The following HTR7 variants were observed in gnomAD, a reference collection of about 807,000 sequenced individuals.
HTR7 encodes the protein 5-HT-7.
HTR7 carries 16 observed loss-of-function variants against 34.0 expected under a neutral mutation model. The observed-to-expected ratio is 0.47, with a 90% CI of 0.32 to 0.71. HTR7 has a LOEUF of 0.71. Ranked by LOEUF, HTR7 falls within the 30% of genes least tolerant of loss-of-function variation. The pLI, the probability that HTR7 is intolerant of heterozygous loss-of-function variation, is 0.04. For synonymous variants in HTR7, 265 were observed against 260.2 expected, an observed-to-expected ratio of 1.02 and a Z score of -0.18; for missense variants, 504 against 625.5, an observed-to-expected ratio of 0.81 and a Z score of 2.07.
intron 1 of HTR7, among the ~76,000 whole-genome samples, chr10:90,851,604 CAAAAAA>C (rs34310653): frequency 1.9e-4 from 13 of 69,182 alleles, no homozygotes; most frequent in African/African-American, 5.9e-4. Flanking sequence ...GACTCCGTCC[CAAAAAA>C]AAAAAAAAAA....
chr10:90,787,365 G>T (rs1340058280), intron 1 of HTR7, among the ~76,000 whole-genome samples: 1 of 152,064 alleles, frequency 6.6e-6, no homozygotes, highest in Non-Finnish European at 1.5e-5. Context: ...GCACGCACCT[G>T]TACTCCCAGC....
At chr10:90,760,441 T>C (rs1394340637) in intron 1 of HTR7, among the ~76,000 whole-genome samples, 1 of 152,208 alleles carries the variant, frequency 6.6e-6, no homozygotes, top group Admixed American at 6.5e-5. Flanking sequence ...CATTGTAGGA[T>C]GACTATAGTT....
chr10:90,808,851 C>G (rs1845749719), intron 1 of HTR7, among the ~76,000 whole-genome samples: 1 of 152,146 alleles, frequency 6.6e-6, no homozygotes, highest in South Asian at 2.1e-4. Flanking sequence ...ACAGTGGTAC[C>G]AAATAGCCAG....
chr10:90,818,439 G>A (rs1845930159), intron 1 of HTR7, among the ~76,000 whole-genome samples: 1 of 151,292 alleles, frequency 6.6e-6, no homozygotes, highest in Non-Finnish European at 1.5e-5. Flanking sequence ...CCAGCTGCTT[G>A]GGAAGCTGAG....
chr10:90,801,259 A>G (rs1845621443), intron 1 of HTR7, among the ~76,000 whole-genome samples: 1 of 152,178 alleles, frequency 6.6e-6, no homozygotes, highest in African/African-American at 2.4e-5. Flanking sequence ...CCTTAAGCTC[A>G]GAGATCTCAA....
intron 1 of HTR7, among the ~76,000 whole-genome samples, chr10:90,810,058 A>G (rs1845779757): frequency 1.3e-5 from 2 of 152,098 alleles, no homozygotes; most frequent in Admixed American, 1.3e-4. Context: ...TTGCCTCCAT[A>G]ACTGTTGTGG....
At chr10:90,760,937 CA>C (rs1416130628) in intron 1 of HTR7, among the ~76,000 whole-genome samples, 3 of 151,992 alleles carry the variant, frequency 2.0e-5, no homozygotes, top group African/African-American at 4.8e-5. Context: ...TATTATGTGT[CA>C]AAAAAATTAA....
intron 1 of HTR7, among the ~76,000 whole-genome samples, chr10:90,776,917 G>A (rs1845222676): frequency 6.6e-6 from 1 of 152,164 alleles, no homozygotes; most frequent in East Asian, 1.9e-4. Context: ...ATTAATTGAA[G>A]GTCTTAGTTA....
chr10:90,798,368 G>A (rs1177770210), intron 1 of HTR7, among the ~76,000 whole-genome samples: 3 of 152,144 alleles, frequency 2.0e-5, no homozygotes, highest in Admixed American at 2.0e-4. Context: ...TATAGCCTAA[G>A]CCCCACTTGC....
chr10:90,845,359 A>T (rs1397293323), intron 1 of HTR7, among the ~76,000 whole-genome samples: 1 of 152,190 alleles, frequency 6.6e-6, no homozygotes, highest in Non-Finnish European at 1.5e-5. Flanking sequence ...TCCTCCTCAT[A>T]TAGCAGGCAA....
At chr10:90,794,082 T>A (rs536982128) in intron 1 of HTR7, among the ~76,000 whole-genome samples, 7 of 152,106 alleles carry the variant, frequency 4.6e-5, no homozygotes, top group Non-Finnish European at 8.8e-5. Flanking sequence ...CAGGAAAAAA[T>A]ACTTTGCATC....
At chr10:90,763,642 G>T (rs1844973805) in intron 1 of HTR7, among the ~76,000 whole-genome samples, 1 of 152,086 alleles carries the variant, frequency 6.6e-6, no homozygotes, top group African/African-American at 2.4e-5. Flanking sequence ...ACAGGCTCCA[G>T]TGTGTGTTGT....
intron 1 of HTR7, among the ~76,000 whole-genome samples, chr10:90,801,855 A>G (rs938632407): frequency 5.9e-5 from 9 of 152,148 alleles, no homozygotes; most frequent in African/African-American, 2.2e-4. Flanking sequence ...GATTATTGGG[A>G]AAAAAGGGAT....
chr10:90,751,755 A>G (rs933201310), intron 1 of HTR7, among the ~76,000 whole-genome samples: 2 of 152,192 alleles, frequency 1.3e-5, no homozygotes, highest in African/African-American at 2.4e-5. Context: ...TGGAATTCAC[A>G]ACCTAGTAAA....
chr10:90,834,528 C>A (rs1270789915), intron 1 of HTR7, among the ~76,000 whole-genome samples: 1 of 152,154 alleles, frequency 6.6e-6, no homozygotes, highest in Non-Finnish European at 1.5e-5. Flanking sequence ...CCAGTCCAGG[C>A]AGGTTCAGAT....
chr10:90,795,468 AT>A (rs1202616088), intron 1 of HTR7, among the ~76,000 whole-genome samples: 12 of 152,370 alleles, frequency 7.9e-5, no homozygotes, highest in African/African-American at 2.6e-4. Context: ...AATGATAACA[AT>A]GAAACAAATG....
intron 1 of HTR7, among the ~76,000 whole-genome samples, chr10:90,804,019 A>G (rs1310254954): frequency 6.6e-6 from 1 of 152,312 alleles, no homozygotes; most frequent in Non-Finnish European, 1.5e-5. Flanking sequence ...GCAGAGGAGC[A>G]GAGCAGTGTG....
At chr10:90,813,986 A>G (rs1294599248) in intron 1 of HTR7, among the ~76,000 whole-genome samples, 2 of 152,178 alleles carry the variant, frequency 1.3e-5, no homozygotes, top group African/African-American at 2.4e-5. Context: ...CAGAAGTCCC[A>G]TTCAGGTGCC....
intron 1 of HTR7, among the ~76,000 whole-genome samples, chr10:90,828,421 T>C (rs1846113273): frequency 6.6e-6 from 1 of 152,158 alleles, no homozygotes; most frequent in South Asian, 2.1e-4. Context: ...AATGAAATCT[T>C]GGTTTTCTGA....
Sources: allele counts gnomAD v4.1 joint callset (sites outside exome capture counted in the v4.1 genomes callset), GRCh38; gene constraint gnomAD v4.1.1; transcripts MANE v1.5; gene names NCBI Gene and HGNC (gene_info 2026-07-23, HGNC 2026-07-21).